ANXA3: variants seen among roughly 807,000 people sequenced by gnomAD.
The protein encoded by ANXA3 is 35-alpha calcimedin.
Under a neutral mutation model 48.8 loss-of-function variants are expected in ANXA3, and 46 were observed. That is an observed-to-expected ratio of 0.94 (90% confidence interval 0.74 to 1.21). The LOEUF is 1.21. Among genes scored for constraint, ANXA3 ranks in the 50% most tolerant of loss-of-function variants. ANXA3 has a pLI of 0.00. For synonymous variants in ANXA3, 128 were observed against 134.7 expected (o/e 0.95, Z 0.35); for missense variants, 383 against 378.6 (o/e 1.01, Z -0.10).
intron 2 of ANXA3, among the ~76,000 whole-genome samples, chr4:78,557,499 G>A (rs994424391): frequency 6.6e-6 from 1 of 152,076 alleles, no homozygotes; most frequent in East Asian, 1.9e-4. Flanking sequence ...CATTTTAGGA[G>A]GCTGTTGTTC....
intron 11 of ANXA3, chr4:78,602,484 G>C (rs1011790266): frequency 6.6e-6 from 1 of 152,124 alleles, no homozygotes; most frequent in Non-Finnish European, 1.5e-5. Context: ...CAAACCTCAA[G>C]CTTGAGACCC....
At position 78,554,477 on chromosome 4, in the gene ANXA3, G is replaced by A. The variant is rs752848629; in HGVS notation, c.4G>A (p.Ala2Thr). The part of the protein sequence containing the change: M[A>T]SIWVGHRGTV... ...CTCAAGGCAAAGGTGGGATATCATG[G>A]CATCTATCTGGGTAAGTAAAAATTA... The change falls in exon 2 of 13, where the codon GCA (alanine) becomes ACA (threonine). Residue 2 changes from alanine (A) to threonine (T), a missense_variant. Transcript: ENST00000264908. 4.1e-5 allele frequency: 66 copies of A among 1,613,034 alleles called. No individual in the cohort carries two copies. The highest frequency in any genetic ancestry group is 5.4e-5 in the Non-Finnish European group (64 of 1,179,502).
intron 2 of ANXA3, among the ~76,000 whole-genome samples, chr4:78,563,048 A>G (rs1205252005): frequency 6.6e-6 from 1 of 152,206 alleles, no homozygotes; most frequent in Non-Finnish European, 1.5e-5. Context: ...GAGAGTCCCA[A>G]GAAGTCTTCA....
chr4:78,601,303 G>A (rs1025973370), intron 10 of ANXA3, among the ~76,000 whole-genome samples: 3 of 152,210 alleles, frequency 2.0e-5, no homozygotes, highest in Admixed American at 6.5e-5. Flanking sequence ...GATAATTACT[G>A]TGCTAAAGTT....
At position 78,560,055 on chromosome 4, in the gene ANXA3, C is replaced by G. The variant is rs76410063; in HGVS notation, c.15+5567C>G. ...CTCCCCATTGGAATGGTTCTTTCAG[C>G]CATCTAAAAGAGATGTCATGTCCTC... On this transcript the variant is annotated intron_variant, in intron 2 of 12. Coordinates refer to ENST00000264908, the MANE Select transcript of ANXA3 (RefSeq NM_005139.3). 2.1e-3 allele frequency among the ~76,000 whole-genome samples: 323 copies of G among 152,272 alleles called. 4 individuals carry two copies. Among genetic ancestry groups the G allele is most frequent in the East Asian group, 0.016 (84 of 5,174 alleles).
intron 2 of ANXA3, among the ~76,000 whole-genome samples, chr4:78,562,952 A>G (rs1722654392): frequency 6.6e-6 from 1 of 152,192 alleles, no homozygotes; most frequent in Non-Finnish European, 1.5e-5. Context: ...CCCACGAAGC[A>G]AAAACAGGGA....
chr4:78,576,430 A>G lies in ANXA3; in HGVS notation c.104-2597A>G, dbSNP rs111477709. On this transcript the variant is annotated intron_variant, in intron 3 of 12. Transcript: ENST00000264908. ...TATGGCCTCAGCCTCTGGTGTTGCT[A>G]GGACTACAGATGCTCATCACAATGT... Among the ~76,000 whole-genome samples, 3 of 152,070 alleles carry G rather than the reference A, an allele frequency of 2.0e-5. 1 individual carries two copies. The highest frequency in any genetic ancestry group is 7.2e-5 in the African/African-American group (3 of 41,470).
chr4:78,580,586 G>T (rs28552884), intron 4 of ANXA3, among the ~76,000 whole-genome samples: 1 of 152,158 alleles, frequency 6.6e-6, no homozygotes, highest in African/African-American at 2.4e-5. Context: ...ATGAACTGTG[G>T]GGGGAAAAGG....
intron 2 of ANXA3, among the ~76,000 whole-genome samples, chr4:78,568,052 G>T (rs1010319161): frequency 6.6e-6 from 1 of 151,656 alleles, no homozygotes; most frequent in East Asian, 1.9e-4. Context: ...TGGATTGGGG[G>T]CCTGCCACTG....
Position 78,600,856 on chromosome 4 carries a change from C to T in ANXA3, c.731-654C>T, listed in dbSNP as rs561896083. Among the ~76,000 whole-genome samples the T allele has an allele frequency of 7.9e-5, 12 of 152,164 alleles. 1 individual carries two copies. The South Asian group carries it at 2.3e-3, about 29-fold the overall frequency. On this transcript the variant is annotated intron_variant, in intron 10 of 12. Transcript: ENST00000264908. ...CTTTTTATTTAAAAGATAATTTACT[C>T]TTGCGTTTTTGTCAGTTTCCTTTTT...
chr4:78,591,562 G>C lies in ANXA3; in HGVS notation c.422G>C (p.Gly141Ala), dbSNP rs1723296006. The C allele has an allele frequency of 6.2e-7, 1 of 1,612,776 alleles. No homozygotes were observed. The highest frequency in any genetic ancestry group is 8.5e-7 in the Non-Finnish European group (1 of 1,178,940). The stretch of plus-strand genomic sequence containing the variant: ...GTTTCAGTATACAAGAAGAGTCTTG[G>C]AGATGACATTAGTTCCGAAACATCT... Reference protein sequence around the residue: ...AYYTVYKKSLGDDISSETSGD... With the variant: ...AYYTVYKKSLADDISSETSGD... Residue 141 changes from glycine to alanine, a missense_variant, in exon 7 of 13, where the codon GGA becomes GCA. Physicochemically the swap from Gly to Ala is moderately conservative, Grantham distance 60. Transcript: ENST00000264908.
chr4:78,590,015 G>A (rs1347077992), intron 6 of ANXA3, among the ~76,000 whole-genome samples: 4 of 152,182 alleles, frequency 2.6e-5, no homozygotes, highest in Non-Finnish European at 5.9e-5. Context: ...AATGGATAAA[G>A]TAGTTGTCAA....
chr4:78,590,804 A>G (rs1252178490), intron 6 of ANXA3, among the ~76,000 whole-genome samples: 1 of 144,536 alleles, frequency 6.9e-6, no homozygotes, highest in Non-Finnish European at 1.5e-5. Flanking sequence ...TCGATAAAAC[A>G]GAAAAATTAC....
intron 9 of ANXA3, among the ~76,000 whole-genome samples, chr4:78,596,246 G>A (rs1723421848): frequency 6.6e-6 from 1 of 152,206 alleles, no homozygotes. Context: ...TCCCTAGTTA[G>A]CCACTTCCAG....
intron 7 of ANXA3, 96 bp from the exon 8 acceptor site, chr4:78,595,285 A>G: frequency 1.5e-6 from 2 of 1,372,056 alleles, no homozygotes; most frequent in Non-Finnish European, 2.1e-6. Flanking sequence ...GTCCTGCCTT[A>G]AAGAAAAACC....
intron 2 of ANXA3, among the ~76,000 whole-genome samples, chr4:78,571,564 C>T (rs894257880): frequency 6.6e-6 from 1 of 152,060 alleles, no homozygotes; most frequent in Non-Finnish European, 1.5e-5. Context: ...AATATTAAAC[C>T]CTTCAAGAGA....
At chr4:78,580,242 C>T (rs1028463149) in intron 4 of ANXA3, among the ~76,000 whole-genome samples, 2 of 152,100 alleles carry the variant, frequency 1.3e-5, no homozygotes, top group African/African-American at 4.8e-5. Context: ...GGGTTGTTAC[C>T]TCACTCCCCA....
chr4:78,589,428 A>G (rs1455108874), intron 6 of ANXA3, among the ~76,000 whole-genome samples: 1 of 152,210 alleles, frequency 6.6e-6, no homozygotes, highest in Non-Finnish European at 1.5e-5. Flanking sequence ...CTTTACAGAG[A>G]TTAAAGTCAC....
At chr4:78,556,633 T>C (rs1320759002) in intron 2 of ANXA3, among the ~76,000 whole-genome samples, 1 of 152,166 alleles carries the variant, frequency 6.6e-6, no homozygotes, top group African/African-American at 2.4e-5. Context: ...GTTGGAAGGC[T>C]TTGTTTGGCC....
Sources: gnomAD v4.1 joint callset for allele counts (sites outside exome capture counted in the v4.1 genomes callset) on GRCh38, gnomAD v4.1.1 for gene constraint, MANE v1.5 for transcripts, NCBI Gene and HGNC (gene_info 2026-07-23, HGNC 2026-07-21) for gene names.